The following TCF12 variants were observed in gnomAD, a reference collection of about 807,000 sequenced individuals.
TCF12 encodes the protein transcription factor 12, also known as DNA-binding protein HTF4.
A neutral mutation model predicts 86.0 loss-of-function variants in TCF12; 45 were observed. The observed-to-expected ratio is 0.52, with a 90% confidence interval of 0.41 to 0.67. TCF12 has a LOEUF of 0.67. TCF12 is among the 30% of genes least tolerant of loss of function. The pLI is 0.00. For synonymous variants in TCF12, 330 were observed against 299.6 expected (o/e 1.10, Z -1.05); for missense variants, 881 against 859.9 (o/e 1.02, Z -0.31).
chr15:57,028,394 G>A (rs2065950249), intron 3 of TCF12, among the ~76,000 whole-genome samples: 1 of 152,086 alleles, frequency 6.6e-6, no homozygotes, highest in South Asian at 2.1e-4. Flanking sequence ...GGTATTGTCA[G>A]TCATTTTAAG....
chr15:56,938,036 G>GTTTT (rs766226471), intron 3 of TCF12, among the ~76,000 whole-genome samples: 1 of 33,756 alleles, frequency 3.0e-5, no homozygotes, highest in Admixed American at 2.7e-4. Flanking sequence ...TTTTTTTTTC[G>GTTTT]TTTCTTTTCT....
intron 8 of TCF12, among the ~76,000 whole-genome samples, chr15:57,204,243 C>A (rs911257647): frequency 6.6e-6 from 1 of 152,050 alleles, no homozygotes; most frequent in South Asian, 2.1e-4. Context: ...TGAGACCAGC[C>A]TAGGCCACAT....
chr15:57,216,572 A>G (rs1379148932), intron 8 of TCF12, among the ~76,000 whole-genome samples: 1 of 151,790 alleles, frequency 6.6e-6, no homozygotes, highest in African/African-American at 2.4e-5. Flanking sequence ...TTAAAAAAAA[A>G]AAAAAAAAAA....
intron 5 of TCF12, among the ~76,000 whole-genome samples, chr15:57,099,958 C>T (rs1433395362): frequency 6.6e-6 from 1 of 152,038 alleles, no homozygotes; most frequent in East Asian, 1.9e-4. Flanking sequence ...ACTCTAGGGA[C>T]TTAAATCAAG....
chr15:56,993,067 C>G (rs1277334043), intron 3 of TCF12, among the ~76,000 whole-genome samples: 2 of 152,108 alleles, frequency 1.3e-5, no homozygotes, highest in Non-Finnish European at 2.9e-5. Context: ...ATTCAGAATA[C>G]CATCTCACTG....
chr15:57,104,885 T>G (rs1011978983), intron 5 of TCF12, among the ~76,000 whole-genome samples: 22 of 120,380 alleles, frequency 1.8e-4, no homozygotes, highest in Non-Finnish European at 3.3e-4. Context: ...TTTTTTTTTT[T>G]GTCCTGTGAG....
At chr15:57,213,016 C>A (rs765527435) in intron 8 of TCF12, among the ~76,000 whole-genome samples, 7 of 152,214 alleles carry the variant, frequency 4.6e-5, no homozygotes, top group Non-Finnish European at 1.0e-4. Context: ...CTACATAGAA[C>A]AAGTAGCTTA....
chr15:57,054,638 G>A (rs1414158939), intron 3 of TCF12, among the ~76,000 whole-genome samples: 11 of 152,064 alleles, frequency 7.2e-5, no homozygotes, highest in African/African-American at 2.7e-4. Context: ...TTTATTGTAT[G>A]GTTGGATTTA....
intron 5 of TCF12, among the ~76,000 whole-genome samples, chr15:57,109,000 G>A (rs189216420): frequency 1.3e-5 from 2 of 152,294 alleles, no homozygotes; most frequent in East Asian, 3.9e-4. Flanking sequence ...GTGTGGATGA[G>A]TCCTTGGGAC....
intron 4 of TCF12, among the ~76,000 whole-genome samples, chr15:57,087,102 T>TCTCCCTCTCC (rs1227657418): frequency 4.8e-5 from 7 of 146,500 alleles, no homozygotes; most frequent in South Asian, 2.1e-4. Flanking sequence ...TCTCCCTCTC[T>TCTCCCTCTCC]CTCCCTCTCC....
chr15:57,002,042 G>C (rs368958330), intron 3 of TCF12, among the ~76,000 whole-genome samples: 1 of 152,178 alleles, frequency 6.6e-6, no homozygotes, highest in African/African-American at 2.4e-5. Flanking sequence ...GTTGAGAAGC[G>C]TATCTATGTC....
intron 3 of TCF12, among the ~76,000 whole-genome samples, chr15:57,011,935 C>G (rs1291294950): frequency 1.3e-5 from 2 of 152,162 alleles, no homozygotes; most frequent in African/African-American, 4.8e-5. Context: ...TACATTTCTT[C>G]ATGTAATTAA....
At chr15:57,258,980 C>T (rs1005572783) in intron 16 of TCF12, among the ~76,000 whole-genome samples, 2 of 151,988 alleles carry the variant, frequency 1.3e-5, no homozygotes, top group Admixed American at 6.5e-5. Flanking sequence ...GTTTGTAATA[C>T]GGTAGAAATT....
intron 3 of TCF12, among the ~76,000 whole-genome samples, chr15:57,048,330 C>T (rs1440430066): frequency 2.0e-5 from 3 of 152,108 alleles, no homozygotes; most frequent in African/African-American, 4.8e-5. Flanking sequence ...GGCGCGATCT[C>T]GGCTCACTGT....
chr15:56,933,471 AC>A (rs1392902696), intron 3 of TCF12, among the ~76,000 whole-genome samples: 3 of 152,174 alleles, frequency 2.0e-5, no homozygotes, highest in African/African-American at 7.2e-5. Flanking sequence ...AAATAAAGAT[AC>A]ATTGTGGTAT....
chr15:56,934,471 T>C (rs1335120631), intron 3 of TCF12, among the ~76,000 whole-genome samples: 1 of 152,208 alleles, frequency 6.6e-6, no homozygotes, highest in Admixed American at 6.5e-5. Flanking sequence ...AAAGTCTGAC[T>C]TAGTCATATC....
chr15:57,033,157 G>C (rs1422031298), intron 3 of TCF12, among the ~76,000 whole-genome samples: 2 of 152,044 alleles, frequency 1.3e-5, no homozygotes, highest in African/African-American at 4.8e-5. Flanking sequence ...AAAAACTTTA[G>C]AGCTTCAGAG....
intron 3 of TCF12, among the ~76,000 whole-genome samples, chr15:57,031,382 G>C (rs896174139): frequency 6.6e-6 from 1 of 151,908 alleles, no homozygotes; most frequent in South Asian, 2.1e-4. Flanking sequence ...TTGAGGTTTG[G>C]GGGGTCAGAT....
intron 3 of TCF12, among the ~76,000 whole-genome samples, chr15:57,025,782 C>T (rs2065790209): frequency 6.6e-6 from 1 of 152,152 alleles, no homozygotes; most frequent in South Asian, 2.1e-4. Context: ...TGTGATGAAA[C>T]GTAGAATGAA....
Sources: allele counts gnomAD v4.1 joint callset (sites outside exome capture counted in the v4.1 genomes callset), GRCh38; gene constraint gnomAD v4.1.1; transcripts MANE v1.5; gene names NCBI Gene and HGNC (gene_info 2026-07-23, HGNC 2026-07-21).